Variants in APBA2 observed in about 807,000 individuals in gnomAD.
The protein encoded by APBA2 is amyloid beta precursor protein binding family A member 2, also known as amyloid-beta A4 precursor protein-binding family A member 2.
APBA2 carries 30 observed loss-of-function variants against 75.0 expected under a neutral mutation model. That is an observed-to-expected ratio of 0.40 (90% CI 0.30 to 0.54). APBA2 has a LOEUF of 0.54. Ranked by LOEUF, APBA2 falls within the 20% of genes least tolerant of loss-of-function variation. APBA2 has a pLI of 0.49. For missense variants in APBA2, 801 were observed against 1,016.1 expected, an observed-to-expected ratio of 0.79 and a Z score of 2.88; for synonymous variants, 444 against 409.6, an observed-to-expected ratio of 1.08 and a Z score of -1.01.
intron 2 of APBA2, among the ~76,000 whole-genome samples, chr15:28,979,391 ATG>A (rs1242305083): frequency 2.0e-5 from 3 of 152,108 alleles, no homozygotes; most frequent in African/African-American, 7.2e-5. Context: ...TTTTGAGCCA[ATG>A]TGTGTGGTCC....
chr15:29,048,646 T>C (rs1411635434), intron 3 of APBA2, among the ~76,000 whole-genome samples: 1 of 151,892 alleles, frequency 6.6e-6, no homozygotes, highest in African/African-American at 2.4e-5. Flanking sequence ...AAGAATTTAG[T>C]GTATGATGGC....
At position 29,117,585 on chromosome 15, in the gene APBA2, AAACAGCTGCCTCTGCCACTG is replaced by A. The variant is rs1454383990; in HGVS notation, c.*454_*473del. On this transcript the variant is annotated 3_prime_UTR_variant, in exon 15 of 15. Transcript: ENST00000683413. ...CCTGTGGGGCCCCCACAATGGTCCCAAACAGCTGCCTCTGCCACTGACTGCAGGGACACGGGCAGCCTGGC... is the reference window on the plus strand; with the variant it reads ...CCTGTGGGGCCCCCACAATGGTCCCAACTGCAGGGACACGGGCAGCCTGGC... The A allele has an allele frequency of 5.4e-6, 1 of 186,052 alleles. No individual in the cohort carries two copies. The highest frequency in any genetic ancestry group is 2.4e-5 in the African/African-American group (1 of 42,518). The allele number at this position is 186,052 out of a possible 1,614,324, so 11.5% of individuals were successfully genotyped here. A position where few individuals can be genotyped will look rare whatever the true frequency, so the allele number is the denominator to read the frequency against.
At chr15:28,954,119 C>T (rs1399620896) in intron 2 of APBA2, among the ~76,000 whole-genome samples, 1 of 152,088 alleles carries the variant, frequency 6.6e-6, no homozygotes, top group Non-Finnish European at 1.5e-5. Flanking sequence ...CTCTCTTAAA[C>T]CCCACATGGA....
intron 2 of APBA2, among the ~76,000 whole-genome samples, chr15:28,982,212 T>C (rs1015810343): frequency 4.6e-5 from 7 of 152,170 alleles, no homozygotes; most frequent in Admixed American, 6.5e-5. Flanking sequence ...CCCACACTTA[T>C]AAAGAGTTAA....
intron 1 of APBA2, among the ~76,000 whole-genome samples, chr15:28,902,078 A>G (rs951883395): frequency 6.6e-6 from 1 of 151,760 alleles, no homozygotes; most frequent in Non-Finnish European, 1.5e-5. Flanking sequence ...ACCCGAAGGT[A>G]AAGGGGGGTG....
intron 2 of APBA2, among the ~76,000 whole-genome samples, chr15:28,924,815 A>G (rs978927992): frequency 6.6e-6 from 1 of 151,990 alleles, no homozygotes; most frequent in African/African-American, 2.4e-5. Flanking sequence ...ACTCTGTTTC[A>G]CTTTTCCAGG....
chr15:29,039,677 A>G (rs1005994891), intron 3 of APBA2, among the ~76,000 whole-genome samples: 1 of 152,184 alleles, frequency 6.6e-6, no homozygotes, highest in African/African-American at 2.4e-5. Context: ...CCTGCCGATG[A>G]TAATGCTGAT....
intron 2 of APBA2, among the ~76,000 whole-genome samples, chr15:28,971,413 T>A (rs2037061911): frequency 6.6e-6 from 1 of 152,162 alleles, no homozygotes; most frequent in Non-Finnish European, 1.5e-5. Context: ...GATACAGGGT[T>A]TCAGGGCCAG....
chr15:28,930,387 A>G (rs1223949627), intron 2 of APBA2, among the ~76,000 whole-genome samples: 1 of 152,110 alleles, frequency 6.6e-6, no homozygotes, highest in Non-Finnish European at 1.5e-5. Context: ...TTTCTGCTCA[A>G]ATGAACATTC....
intron 2 of APBA2, among the ~76,000 whole-genome samples, chr15:28,922,218 A>C (rs535967453): frequency 2.0e-5 from 3 of 152,216 alleles, no homozygotes; most frequent in African/African-American, 7.2e-5. Flanking sequence ...GGCTGGCAGA[A>C]AGTGGGCAGG....
At chr15:29,088,263 C>A (rs1273251237) in intron 6 of APBA2, among the ~76,000 whole-genome samples, 4 of 152,148 alleles carry the variant, frequency 2.6e-5, no homozygotes, top group Non-Finnish European at 5.9e-5. Context: ...TTCATCCTGC[C>A]CCCTTGCCCA....
intron 4 of APBA2, among the ~76,000 whole-genome samples, chr15:29,062,126 G>A (rs1275320447): frequency 3.9e-5 from 6 of 152,096 alleles, no homozygotes; most frequent in African/African-American, 1.4e-4. Flanking sequence ...CCTGGGAAGG[G>A]GAAGGTCCTC....
intron 3 of APBA2, among the ~76,000 whole-genome samples, chr15:29,026,814 A>G (rs1164195416): frequency 6.6e-6 from 1 of 152,020 alleles, no homozygotes; most frequent in Non-Finnish European, 1.5e-5. Context: ...CCAGCTACTC[A>G]TGAGGCTGAG....
At chr15:29,050,878 G>A (rs898911313) in intron 3 of APBA2, among the ~76,000 whole-genome samples, 2 of 152,232 alleles carry the variant, frequency 1.3e-5, no homozygotes, top group Non-Finnish European at 2.9e-5. Context: ...TCAGAGCCTG[G>A]CGAGAAACAG....
At chr15:29,029,799 G>C (rs1451934799) in intron 3 of APBA2, among the ~76,000 whole-genome samples, 1 of 152,188 alleles carries the variant, frequency 6.6e-6, no homozygotes, top group Non-Finnish European at 1.5e-5. Context: ...CTGGTCTAGA[G>C]ATGCTGTTGG....
chr15:28,983,750 G>A (rs1000957256), intron 2 of APBA2, among the ~76,000 whole-genome samples: 28 of 152,184 alleles, frequency 1.8e-4, no homozygotes, highest in African/African-American at 6.8e-4. Flanking sequence ...GGTGGAGTAC[G>A]CTCCTTAGTA....
At position 29,101,696 on chromosome 15, in the gene APBA2, C is replaced by T; in HGVS notation, c.1436C>T (p.Ala479Val). The T allele has an allele frequency of 6.2e-7, 1 of 1,613,712 alleles. No individual in the cohort carries two copies. Among genetic ancestry groups the T allele is most frequent in the Non-Finnish European group, 8.5e-7 (1 of 1,180,026 alleles). ...LMARRRMPRS[A>V]SQDCIETTPG... The stretch of plus-strand genomic sequence containing the variant: ...GCCAGACGCCGCATGCCCCGGTCAG[C>T]CTCTCAGGACTGCATCGAGACCACG... The change falls in exon 10 of 15, where the codon GCC becomes GTC. Residue 479 changes from alanine (A) to valine (V), a missense_variant. Ala to Val is a moderately conservative substitution (Grantham distance 64). Transcript: ENST00000683413.
intron 3 of APBA2, among the ~76,000 whole-genome samples, chr15:29,039,425 A>G (rs1216224483): frequency 6.6e-6 from 1 of 152,024 alleles, no homozygotes; most frequent in Admixed American, 6.6e-5. Flanking sequence ...GAATCCTAAG[A>G]TATGATGGGA....
At chr15:29,076,196 G>C in intron 6 of APBA2, 105 bp downstream of exon 6, 2 of 1,237,290 alleles carry the variant, frequency 1.6e-6, no homozygotes, top group Admixed American at 1.7e-5. Context: ...TTTACAAAGC[G>C]TGCCTACCTA....
Sources: gnomAD v4.1 joint callset for allele counts (sites outside exome capture counted in the v4.1 genomes callset) on GRCh38, gnomAD v4.1.1 for gene constraint, MANE v1.5 for transcripts, NCBI Gene and HGNC (gene_info 2026-07-23, HGNC 2026-07-21) for gene names.